The following COL21A1 variants were observed in gnomAD, a reference collection of about 807,000 sequenced individuals.
COL21A1 encodes collagen alpha-1(XXI) chain.
COL21A1 carries 149 observed loss-of-function variants against 137.9 expected under a neutral mutation model. That is an observed-to-expected ratio of 1.08 (90% confidence interval 0.95 to 1.24). COL21A1 has a LOEUF of 1.24. Among genes scored for constraint, COL21A1 ranks in the 50% most tolerant of loss-of-function variants. The pLI is 0.00. For missense variants in COL21A1, 1,167 were observed against 1,158.4 expected, an observed-to-expected ratio of 1.01 and a Z score of -0.11; for synonymous variants, 456 against 391.5, an observed-to-expected ratio of 1.16 and a Z score of -1.95.
intron 1 of COL21A1, among the ~76,000 whole-genome samples, chr6:56,343,298 G>C (rs1025043558): frequency 2.0e-5 from 3 of 152,130 alleles, no homozygotes; most frequent in Non-Finnish European, 4.4e-5. Flanking sequence ...TCTGCTTTAA[G>C]GAGTAGCAGT....
chr6:56,390,076 G>A (rs2094026179), intron 1 of COL21A1, among the ~76,000 whole-genome samples: 1 of 152,080 alleles, frequency 6.6e-6, no homozygotes, highest in African/African-American at 2.4e-5. Context: ...CATATATTTA[G>A]TAGAAAGACT....
intron 3 of COL21A1, among the ~76,000 whole-genome samples, chr6:56,172,068 A>AG (rs1483977071): frequency 2.7e-5 from 2 of 74,468 alleles, no homozygotes; most frequent in African/African-American, 1.8e-4. Flanking sequence ...TGCGAGTTCC[A>AG]GAAAAAAAAA....
chr6:56,230,861 A>C (rs1385384974), intron 1 of COL21A1, among the ~76,000 whole-genome samples: 4 of 151,840 alleles, frequency 2.6e-5, no homozygotes, highest in South Asian at 2.1e-4. Context: ...ATTCATCTTA[A>C]CTCTTAGTTT....
intron 1 of COL21A1, among the ~76,000 whole-genome samples, chr6:56,391,409 T>A (rs888204744): frequency 1.3e-5 from 2 of 151,616 alleles, no homozygotes; most frequent in African/African-American, 4.8e-5. Context: ...GCAAATCAAA[T>A]TCAAAATTAA....
chr6:56,158,266 C>CTTTTTTTTTTTTTTTTTTTTTTTTTTG (rs67453245), intron 9 of COL21A1, among the ~76,000 whole-genome samples: 1 of 62,402 alleles, frequency 1.6e-5, no homozygotes, highest in Non-Finnish European at 2.8e-5. Flanking sequence ...TTTTTTTTTT[C>CTTTTTTTTTTTTTTTTTTTTTTTTTTG]TTTTTTTTTT....
At chr6:56,067,266 A>T (rs1358372651) in intron 23 of COL21A1, 29 bp downstream of exon 23, 1 of 1,582,798 alleles carries the variant, frequency 6.3e-7, no homozygotes, top group Non-Finnish European at 8.7e-7. Context: ...TTTATTGCTC[A>T]GCCTACTAAA....
At chr6:56,155,030 G>A (rs980873587) in intron 10 of COL21A1, among the ~76,000 whole-genome samples, 1 of 152,050 alleles carries the variant, frequency 6.6e-6, no homozygotes, top group African/African-American at 2.4e-5. Flanking sequence ...ATTAAGCCTA[G>A]TACCCATTAG....
chr6:56,274,192 G>C (rs1388220885), intron 1 of COL21A1, among the ~76,000 whole-genome samples: 2 of 152,088 alleles, frequency 1.3e-5, no homozygotes, highest in Non-Finnish European at 2.9e-5. Context: ...GTCCTTAACA[G>C]AGTAGGCATT....
intron 1 of COL21A1, among the ~76,000 whole-genome samples, chr6:56,229,227 T>A (rs930333380): frequency 4.2e-4 from 63 of 151,348 alleles, no homozygotes; most frequent in Admixed American, 1.7e-3. Context: ...CAAAAAAAAA[T>A]TTTTTTTAAT....
intron 10 of COL21A1, among the ~76,000 whole-genome samples, chr6:56,143,301 C>T (rs1288985866): frequency 6.0e-5 from 9 of 150,284 alleles, no homozygotes; most frequent in East Asian, 3.9e-4. Flanking sequence ...CCTGGGTTCA[C>T]GCCATTCTCC....
chr6:56,158,266 CTTTTTTTTTT>C (rs67453245), intron 9 of COL21A1, among the ~76,000 whole-genome samples: 2 of 62,402 alleles, frequency 3.2e-5, no homozygotes, highest in African/African-American at 6.6e-5. Context: ...TTTTTTTTTT[CTTTTTTTTTT>C]TTTTTTTTTT....
chr6:56,384,395 G>A (rs1023047308), intron 1 of COL21A1, among the ~76,000 whole-genome samples: 1 of 151,628 alleles, frequency 6.6e-6, no homozygotes, highest in African/African-American at 2.4e-5. Flanking sequence ...TTGATCTGTG[G>A]GAAAAAAAAT....
At chr6:56,210,648 C>T (rs1780097845) in intron 1 of COL21A1, among the ~76,000 whole-genome samples, 2 of 152,106 alleles carry the variant, frequency 1.3e-5, no homozygotes, top group African/African-American at 4.8e-5. Context: ...TTCCTCCAAA[C>T]AAGATATAAT....
At chr6:56,297,649 G>A (rs1362512746) in intron 1 of COL21A1, among the ~76,000 whole-genome samples, 2 of 151,998 alleles carry the variant, frequency 1.3e-5, no homozygotes, top group Non-Finnish European at 2.9e-5. Context: ...GTTTTTTATT[G>A]ATGGCAATGT....
At chr6:56,387,950 G>GAGTGCC (rs1474995656) in intron 1 of COL21A1, among the ~76,000 whole-genome samples, 2 of 152,170 alleles carry the variant, frequency 1.3e-5, no homozygotes, top group East Asian at 3.8e-4. Context: ...GAGGCCAAGG[G>GAGTGCC]AGTGCCTGCA....
chr6:56,331,874 A>G (rs1270523898), intron 1 of COL21A1: 2 of 148,490 alleles, frequency 1.3e-5, no homozygotes, highest in Admixed American at 7.2e-5. Context: ...TGTTTTAAGA[A>G]TAAAAATAAA....
chr6:56,112,685 T>C lies in COL21A1; in HGVS notation c.1759-11160A>G, dbSNP rs1470008619. Reference sequence around the variant, plus strand: ...AAGAAGTTTTTTTTTCTTTTCTTTTTTCTTTTTTTTTTTTTTGAGACGGAG... The same window carrying C: ...AAGAAGTTTTTTTTTCTTTTCTTTTCTCTTTTTTTTTTTTTTGAGACGGAG... On this transcript the variant is annotated intron_variant, in intron 16 of 29. Coordinates refer to ENST00000244728, the MANE Select transcript of COL21A1 (RefSeq NM_030820.4). 2.6e-4 allele frequency among the ~76,000 whole-genome samples: 36 copies of C among 138,928 alleles called. 1 individual carries two copies. Among genetic ancestry groups the C allele is most frequent in the Admixed American group, 5.8e-4 (8 of 13,768 alleles). 91.1% of individuals were successfully genotyped at this position (138,928 alleles called of 152,430 possible). A position where few individuals can be genotyped will look rare whatever the true frequency, so the allele number is the denominator to read the frequency against.
intron 17 of COL21A1, among the ~76,000 whole-genome samples, chr6:56,082,323 T>TA (rs376783269): frequency 1.2e-4 from 18 of 146,464 alleles, no homozygotes; most frequent in African/African-American, 3.3e-4. Context: ...ATGGATGTGT[T>TA]AAAACAAACA....
chr6:56,301,522 GT>G (rs1764278679), intron 1 of COL21A1, among the ~76,000 whole-genome samples: 1 of 152,062 alleles, frequency 6.6e-6, no homozygotes, highest in Non-Finnish European at 1.5e-5. Context: ...GTTTGTGATA[GT>G]TTTTTAGAGC....
Sources: gnomAD v4.1 joint callset for allele counts (sites outside exome capture counted in the v4.1 genomes callset) on GRCh38, gnomAD v4.1.1 for gene constraint, MANE v1.5 for transcripts, NCBI Gene and HGNC (gene_info 2026-07-23, HGNC 2026-07-21) for gene names.